BRWD1: variants seen among roughly 807,000 people sequenced by gnomAD.
The protein encoded by BRWD1 is bromodomain and WD repeat-containing protein 1.
A neutral mutation model predicts 251.2 loss-of-function variants in BRWD1; 82 were observed. That is an observed-to-expected ratio of 0.33 (90% CI 0.27 to 0.39). BRWD1 has a LOEUF of 0.39. Among genes scored for constraint, BRWD1 ranks in the 10% least tolerant of loss-of-function variants. The probability of loss-of-function intolerance (pLI) is 1.00; values close to 1 mark genes in which losing one functional copy is unlikely to be tolerated. For synonymous variants in BRWD1, 918 were observed against 902.8 expected (o/e 1.02, Z -0.30); for missense variants, 2,233 against 2,711.6 (o/e 0.82, Z 3.92).
intron 19 of BRWD1, among the ~76,000 whole-genome samples, chr21:39,251,208 T>C (rs2836957): frequency 0.3 from 45,719 of 152,034 alleles, 7,338 homozygotes; most frequent in Middle Eastern, 0.35. Context: ...AATTCCTTTC[T>C]CTAAAGAAAA....
At chr21:39,218,369 A>G in intron 30 of BRWD1, 97 bp from the exon 31 acceptor site, 1 of 1,458,644 alleles carries the variant, frequency 6.9e-7, no homozygotes. Context: ...TACATTTAAC[A>G]TTACAGGCTA....
chr21:39,254,380 T>A (rs1384524508), intron 19 of BRWD1, among the ~76,000 whole-genome samples: 1 of 151,854 alleles, frequency 6.6e-6, no homozygotes, highest in Admixed American at 6.6e-5. Context: ...ATAGTAAGGA[T>A]GCTATGGAAA....
At chr21:39,292,899 T>G (rs1015399837) in intron 8 of BRWD1, among the ~76,000 whole-genome samples, 6 of 152,198 alleles carry the variant, frequency 3.9e-5, no homozygotes, top group African/African-American at 1.4e-4. Context: ...AACTTGAACA[T>G]CAATAAATAG....
chr21:39,232,920 A>G (rs1362106181), intron 23 of BRWD1, among the ~76,000 whole-genome samples: 1 of 152,082 alleles, frequency 6.6e-6, no homozygotes, highest in African/African-American at 2.4e-5. Flanking sequence ...AAATTCCCCA[A>G]TAGTTCTCTC....
At position 39,274,374 on chromosome 21, in the gene BRWD1, C is replaced by T; in HGVS notation, c.1244G>A (p.Gly415Glu). The T allele has an allele frequency of 1.2e-6, 2 of 1,607,124 alleles. No individual in the cohort carries two copies. Among genetic ancestry groups the T allele is most frequent in the East Asian group, 4.5e-5 (2 of 44,760 alleles). ...CCTACTTCTAACAATCTCAACTTAC[C>T]CTGAGATTCTGGTAGCCATATCCAA... ...ILLDMATRIS[G>E]DLSSEEERFM... The change falls in exon 13 of 41, where the codon GGG (glycine) becomes GAG (glutamate). Residue 415 changes from glycine to glutamate, a missense_variant and splice_region_variant. Physicochemically the swap from Gly to Glu is moderately conservative, Grantham distance 98. Coordinates refer to ENST00000342449, the MANE Select transcript of BRWD1 (RefSeq NM_033656.4).
intron 20 of BRWD1, among the ~76,000 whole-genome samples, chr21:39,249,204 G>A (rs1026557836): frequency 2.0e-5 from 3 of 152,254 alleles, no homozygotes; most frequent in African/African-American, 7.2e-5. Flanking sequence ...CCTACCTGAG[G>A]GCACAACGTG....
Position 39,191,521 on chromosome 21 carries a change from A to C in BRWD1, c.*4738T>G, listed in dbSNP as rs752911242. The stretch of plus-strand genomic sequence containing the variant: ...ATTAATTTAGAACATTAACGATCTT[A>C]TGTGAAGTGGAAAACTAAAGATCTG... On this transcript the variant is annotated 3_prime_UTR_variant, in exon 41 of 41. Coordinates refer to ENST00000342449, the MANE Select transcript of BRWD1 (RefSeq NM_033656.4). 7 of 979,460 alleles carry C rather than the reference A, an allele frequency of 7.1e-6. No homozygotes were observed. The East Asian group carries it at 8.0e-4, about 112-fold the overall frequency. 60.7% of individuals were successfully genotyped at this position (979,460 alleles called of 1,614,324 possible). A position where few individuals can be genotyped will look rare whatever the true frequency, so the allele number is the denominator to read the frequency against.
chr21:39,212,173 T>C (rs377667802), intron 34 of BRWD1, among the ~76,000 whole-genome samples: 48 of 152,308 alleles, frequency 3.2e-4, no homozygotes, highest in African/African-American at 1.1e-3. Context: ...CCCTATATTC[T>C]TGGAATAAAC....
Position 39,187,962 on chromosome 21 carries a change from A to C in BRWD1, c.*8297T>G. On this transcript the variant is annotated 3_prime_UTR_variant, in exon 41 of 41. Coordinates refer to ENST00000342449, the MANE Select transcript of BRWD1 (RefSeq NM_033656.4). ...AAAATTGTGAAGGGATTTGCCAGAC[A>C]AAAAGCACTTTGGAGAGTTAACTAC... is the stretch of plus-strand genomic sequence containing the variant. 3.0e-6 allele frequency: 3 copies of C among 985,272 alleles called. No homozygotes were observed. The highest frequency in any genetic ancestry group is 3.6e-6 in the Non-Finnish European group (3 of 829,828). The allele number at this position is 985,272 out of a possible 1,614,324, so 61.0% of individuals were successfully genotyped here. A position where few individuals can be genotyped will look rare whatever the true frequency, so the allele number is the denominator to read the frequency against.
chr21:39,262,243 C>T (rs1387942733), intron 17 of BRWD1, among the ~76,000 whole-genome samples: 2 of 152,048 alleles, frequency 1.3e-5, no homozygotes, highest in South Asian at 2.1e-4. Flanking sequence ...GGATGATAGC[C>T]CCAAACTGGA....
rs1426659397 is a variant in BRWD1, at chr21:39,218,277, T to A, written c.3539-5A>T. On this transcript the variant is annotated splice_polypyrimidine_tract_variant and splice_region_variant and intron_variant, in intron 30 of 40. Coordinates refer to ENST00000342449, the MANE Select transcript of BRWD1 (RefSeq NM_033656.4). ...CTGCAAAAGCTGCTGCTATATCTGT[T>A]AGGGAAGACAGGAGAGTTTTTAATC... 2.5e-6 allele frequency: 4 copies of A among 1,598,054 alleles called. No homozygotes were observed. The African/African-American group carries it at 5.4e-5, about 22-fold the overall frequency.
intron 4 of BRWD1, among the ~76,000 whole-genome samples, chr21:39,308,192 C>A (rs2036350663): frequency 6.6e-6 from 1 of 152,054 alleles, no homozygotes; most frequent in African/African-American, 2.4e-5. Flanking sequence ...TTATAAGAAG[C>A]AAAAGTAGGC....
Position 39,293,911 on chromosome 21 carries a change from G to C in BRWD1, c.731C>G (p.Ala244Gly), listed in dbSNP as rs1024790588. The C allele has an allele frequency of 2.5e-6, 4 of 1,614,084 alleles. No individual in the cohort carries two copies. Among genetic ancestry groups the C allele is most frequent in the Non-Finnish European group, 2.5e-6 (3 of 1,180,004 alleles). The change falls in exon 8 of 41, where the codon GCT becomes GGT. Residue 244 changes from alanine to glycine, a missense_variant. Physicochemically the swap from Ala to Gly is moderately conservative, Grantham distance 60 (BLOSUM62 0). Around this residue, in one of 12 missense-constraint regions of BRWD1, gnomAD observed 185 missense variants for 260.6 expected, o/e 0.71. Transcript: ENST00000342449. ...AATAATTTTATCACAGCTCCCCGCAGCAATCATTGTATTCTCATAGTTTAC... is the reference window on the plus strand; with the variant it reads ...AATAATTTTATCACAGCTCCCCGCACCAATCATTGTATTCTCATAGTTTAC... ...MAVNYENTMI[A>G]AGSCDKIIRV... is the part of the protein sequence containing the mutation.
chr21:39,262,265 A>T (rs772777724), intron 17 of BRWD1, among the ~76,000 whole-genome samples: 35 of 152,226 alleles, frequency 2.3e-4, no homozygotes, highest in Non-Finnish European at 4.0e-4. Flanking sequence ...ACAAGCCTTT[A>T]ACCATTAGTG....
chr21:39,253,181 C>T (rs751783743), intron 19 of BRWD1, among the ~76,000 whole-genome samples: 1 of 149,446 alleles, frequency 6.7e-6, no homozygotes, highest in Admixed American at 6.8e-5. Context: ...CCCAGCTACT[C>T]TGGAGGCTGA....
intron 8 of BRWD1, among the ~76,000 whole-genome samples, chr21:39,289,928 G>C (rs1312686504): frequency 6.6e-6 from 1 of 151,762 alleles, no homozygotes. Context: ...GGGAGGCTGA[G>C]GCAGGAGAAT....
chr21:39,189,055 AT>A lies in BRWD1; in HGVS notation c.*7203del, dbSNP rs1313217882. 39 of 984,706 alleles carry A rather than the reference AT, an allele frequency of 4.0e-5. No individual in the cohort carries two copies. Among genetic ancestry groups the A allele is most frequent in the Non-Finnish European group, 4.7e-5 (39 of 829,366 alleles). 61.0% of individuals were successfully genotyped at this position (984,706 alleles called of 1,614,324 possible). On this transcript the variant is annotated 3_prime_UTR_variant, in exon 41 of 41. Coordinates refer to ENST00000342449, the MANE Select transcript of BRWD1 (RefSeq NM_033656.4). ...GGGAATTTTAAAATTATGAACTAGTATCTCCAACAAGTCAACCCTATATCCA... is the reference window on the plus strand; with the variant it reads ...GGGAATTTTAAAATTATGAACTAGTACTCCAACAAGTCAACCCTATATCCA...
intron 8 of BRWD1, among the ~76,000 whole-genome samples, chr21:39,293,176 G>GA (rs1394533593): frequency 3.3e-5 from 5 of 152,176 alleles, no homozygotes; most frequent in Admixed American, 6.5e-5. Flanking sequence ...TGCTTATTGT[G>GA]AAAAAAACTT....
chr21:39,191,488 A>G lies in BRWD1; in HGVS notation c.*4771T>C, dbSNP rs73222852. 98,029 of 977,418 alleles carry G rather than the reference A, an allele frequency of 0.1. 5,418 individuals are homozygous for G. The highest frequency in any genetic ancestry group is 0.11 in the Non-Finnish European group (91,831 of 822,576). The allele number at this position is 977,418 out of a possible 1,614,324, so 60.5% of individuals were successfully genotyped here. On this transcript the variant is annotated 3_prime_UTR_variant, in exon 41 of 41. Transcript: ENST00000342449. ...TTAAGAACTGACAAAAATCATCTAA[A>G]TGAATAGATTAATTTAGAACATTAA...
Sources: allele counts gnomAD v4.1 joint callset (sites outside exome capture counted in the v4.1 genomes callset), GRCh38; gene constraint gnomAD v4.1.1; regional missense constraint gnomAD v4.1.1; transcripts MANE v1.5; gene names NCBI Gene and HGNC (gene_info 2026-07-23, HGNC 2026-07-21).